VRK3: variants seen among roughly 807,000 people sequenced by gnomAD.
VRK3 encodes VRK serine/threonine kinase 3.
A neutral mutation model predicts 60.4 loss-of-function variants in VRK3; 50 were observed. The ratio of observed to expected loss-of-function variants is 0.83; its 90% CI spans 0.66 to 1.05. VRK3 has a LOEUF of 1.05. VRK3 is among the 50% of genes least tolerant of loss of function. VRK3 has a pLI of 0.00. For synonymous variants in VRK3, 246 were observed against 227.8 expected (o/e 1.08, Z -0.72); for missense variants, 549 against 585.3 (o/e 0.94, Z 0.64).
At chr19:50,021,461 C>T (rs2077169842) in intron 1 of VRK3, among the ~76,000 whole-genome samples, 1 of 152,228 alleles carries the variant, frequency 6.6e-6, no homozygotes, top group Non-Finnish European at 1.5e-5. Context: ...CGGCATGAGG[C>T]AGCCTAAAGT....
intron 11 of VRK3, 55 bp downstream of exon 11, chr19:49,989,584 G>A: frequency 1.3e-6 from 2 of 1,559,908 alleles, no homozygotes; most frequent in African/African-American, 2.7e-5. Flanking sequence ...TCCTAGAGCT[G>A]CCCTTGTATA....
At chr19:49,996,906 C>T (rs1048448778) in intron 7 of VRK3, 10 of 152,252 alleles carry the variant, frequency 6.6e-5, no homozygotes, top group African/African-American at 2.2e-4. Context: ...CATGAGCCAC[C>T]ACGCCTGGCC....
intron 1 of VRK3, among the ~76,000 whole-genome samples, chr19:50,022,708 C>T (rs367696155): frequency 5.3e-5 from 8 of 152,160 alleles, no homozygotes; most frequent in Middle Eastern, 3.4e-3. Flanking sequence ...GCGCAAGAGT[C>T]GCTTGAACCT....
chr19:49,988,637 G>T, intron 11 of VRK3, 145 bp from the exon 12 acceptor site: 2 of 1,133,476 alleles, frequency 1.8e-6, no homozygotes, highest in East Asian at 2.8e-5. Context: ...TGTCTCCTCC[G>T]CTCATTCACT....
chr19:49,987,644 C>T (rs1209295552), intron 12 of VRK3: 2 of 151,396 alleles, frequency 1.3e-5, no homozygotes, highest in African/African-American at 4.9e-5. Context: ...GCCTATCCTG[C>T]TCAGATTGCC....
rs202032219 is a variant in VRK3, at chr19:50,022,287, AAG to A, written c.-64-1642_-64-1641del. Reference sequence around the variant, plus strand: ...CTGATGTTGGGTGTGGAACCACGGCAAGAGAGTCTTTTAACCATGTGCCACCC... The same window carrying A: ...CTGATGTTGGGTGTGGAACCACGGCAAGAGTCTTTTAACCATGTGCCACCC... On this transcript the variant is annotated intron_variant, in intron 1 of 14. Coordinates refer to ENST00000316763, the MANE Select transcript of VRK3 (RefSeq NM_016440.4). Among the ~76,000 whole-genome samples the A allele has an allele frequency of 9.8e-3, 1,498 of 152,296 alleles. 10 individuals are homozygous for A. The highest frequency in any genetic ancestry group is 0.016 in the Non-Finnish European group (1,069 of 68,024).
At chr19:50,007,292 TG>T (rs1434298144) in intron 5 of VRK3, among the ~76,000 whole-genome samples, 5 of 149,492 alleles carry the variant, frequency 3.3e-5, no homozygotes, top group African/African-American at 1.2e-4. Flanking sequence ...AGGTAGCAGG[TG>T]GGGTGAGGAG....
At chr19:49,985,964 C>T (rs926539209) in intron 12 of VRK3, among the ~76,000 whole-genome samples, 3 of 152,172 alleles carry the variant, frequency 2.0e-5, no homozygotes, top group African/African-American at 4.8e-5. Flanking sequence ...CCACAGATCA[C>T]GAGAGCACGC....
chr19:49,991,824 CCG>C (rs1173556328), intron 10 of VRK3, among the ~76,000 whole-genome samples: 1 of 152,180 alleles, frequency 6.6e-6, no homozygotes, highest in Non-Finnish European at 1.5e-5. Context: ...CCTGCCGTGC[CCG>C]AGACAGTGCA....
intron 2 of VRK3, among the ~76,000 whole-genome samples, chr19:50,018,723 C>T (rs548461894): frequency 6.6e-6 from 1 of 152,312 alleles, no homozygotes; most frequent in East Asian, 1.9e-4. Context: ...GGCACAAATA[C>T]TGGTGAGCAT....
In VRK3 at chr19:49,976,592, G is replaced by A. The variant is rs930121904; in HGVS notation, c.*204C>T. ...GGCTGAAGGGCAGGCCACCAAGATGGGGAACTTCACATTCACGGGAGGGAA... is the reference window on the plus strand; with the variant it reads ...GGCTGAAGGGCAGGCCACCAAGATGAGGAACTTCACATTCACGGGAGGGAA... On this transcript the variant is annotated 3_prime_UTR_variant, in exon 15 of 15. Transcript: ENST00000316763. 2.0e-5 allele frequency: 3 copies of A among 152,700 alleles called. No homozygotes were observed. The highest frequency in any genetic ancestry group is 7.2e-5 in the African/African-American group (3 of 41,464). 9.5% of individuals were successfully genotyped at this position (152,700 alleles called of 1,614,324 possible).
intron 1 of VRK3, among the ~76,000 whole-genome samples, chr19:50,024,084 C>T (rs1020798632): frequency 6.6e-6 from 1 of 152,140 alleles, no homozygotes; most frequent in Non-Finnish European, 1.5e-5. Context: ...ATTACAGGCG[C>T]ATGCCACCAT....
chr19:49,993,834 C>T (rs757560964), intron 9 of VRK3, among the ~76,000 whole-genome samples: 12 of 152,162 alleles, frequency 7.9e-5, no homozygotes, highest in African/African-American at 2.2e-4. Flanking sequence ...CCCCGGGGCC[C>T]GGGACCCTCC....
intron 11 of VRK3, among the ~76,000 whole-genome samples, chr19:49,989,209 T>C (rs566719575): frequency 6.6e-6 from 1 of 152,254 alleles, no homozygotes; most frequent in East Asian, 1.9e-4. Context: ...GCCCTCTTCC[T>C]AGTCTGTACA....
chr19:50,004,107 C>G (rs1442378595), intron 5 of VRK3, among the ~76,000 whole-genome samples: 1 of 152,174 alleles, frequency 6.6e-6, no homozygotes, highest in Non-Finnish European at 1.5e-5. Flanking sequence ...CTGGGGTTTG[C>G]TATTTTTATC....
At position 49,979,217 on chromosome 19, in the gene VRK3, C is replaced by G; in HGVS notation, c.1302G>C (p.Val434=). The G allele has an allele frequency of 6.2e-7, 1 of 1,614,088 alleles. No homozygotes were observed. The highest frequency in any genetic ancestry group is 8.5e-7 in the Non-Finnish European group (1 of 1,180,004). ...PSETLQKYLK[V]VMALTYEEKP... ...TCTCCTCATACGTGAGGGCCATCAC[C>G]ACCTTCAGGTACTTCTGCAGGGTCT... The change falls in exon 14 of 15, where the codon GTG becomes GTC. Residue 434 remains valine (V), a synonymous_variant. Coordinates refer to ENST00000316763, the MANE Select transcript of VRK3 (RefSeq NM_016440.4).
At chr19:49,987,231 C>T (rs972907346) in intron 12 of VRK3, among the ~76,000 whole-genome samples, 19 of 152,166 alleles carry the variant, frequency 1.2e-4, no homozygotes, top group Admixed American at 1.2e-3. Context: ...GGATCAGCTG[C>T]CCACTGTCCT....
At chr19:50,002,299 G>A (rs1406732905) in intron 5 of VRK3, among the ~76,000 whole-genome samples, 1 of 151,412 alleles carries the variant, frequency 6.6e-6, no homozygotes, top group African/African-American at 2.4e-5. Flanking sequence ...AACAGGGTTG[G>A]GAGCCAGCTC....
At chr19:49,978,290 C>T (rs76979908) in intron 14 of VRK3, among the ~76,000 whole-genome samples, 1,684 of 152,218 alleles carry the variant, frequency 0.011, 26 homozygotes, top group African/African-American at 0.039. Flanking sequence ...CAGCCAACTC[C>T]GATGAGAGAA....
Sources: gnomAD v4.1 joint callset for allele counts (sites outside exome capture counted in the v4.1 genomes callset) on GRCh38, gnomAD v4.1.1 for gene constraint, MANE v1.5 for transcripts, NCBI Gene and HGNC (gene_info 2026-07-23, HGNC 2026-07-21) for gene names.